GALNT11: variants seen among roughly 807,000 people sequenced by gnomAD.
GALNT11 encodes UDP-GalNAc:polypeptide N-acetylgalactosaminyltransferase 11.
In GALNT11, 47 loss-of-function variants were observed where a neutral mutation model predicts 72.7. The observed-to-expected ratio is 0.65, with a 90% confidence interval of 0.51 to 0.82. The LOEUF is 0.82. GALNT11 is among the 40% of genes least tolerant of loss of function. The pLI is 0.00. For missense variants in GALNT11, 677 were observed against 778.4 expected (o/e 0.87, Z 1.55); for synonymous variants, 270 against 286.6 (o/e 0.94, Z 0.58).
intron 1 of GALNT11, among the ~76,000 whole-genome samples, chr7:152,030,792 C>A (rs1356381154): frequency 2.0e-5 from 3 of 152,038 alleles, no homozygotes; most frequent in Admixed American, 2.0e-4. Context: ...TCTCTCACTT[C>A]CTCTCTCTGT....
rs1401585248 is a variant in GALNT11, at chr7:152,080,518, C to A, written c.-38-13672C>A. ...TTGGTAGTTGCCAAAAGCAGTATAG[C>A]ATTTTGTAGATAGTGTAGAAAGATG... On this transcript the variant is annotated intron_variant, in intron 1 of 11. Coordinates refer to ENST00000430044, the MANE Select transcript of GALNT11 (RefSeq NM_022087.4). Among the ~76,000 whole-genome samples, 7 of 152,250 alleles carry A rather than the reference C, an allele frequency of 4.6e-5. No individual in the cohort carries two copies. In the East Asian group the frequency reaches 1.3e-3, roughly 29 times the overall value.
At chr7:152,029,579 T>G (rs898024268) in intron 1 of GALNT11, among the ~76,000 whole-genome samples, 11 of 152,216 alleles carry the variant, frequency 7.2e-5, no homozygotes, top group African/African-American at 2.7e-4. Flanking sequence ...CCTCGTTCAG[T>G]CCATATTAAC....
intron 2 of GALNT11, among the ~76,000 whole-genome samples, chr7:152,096,873 G>A (rs531178818): frequency 1.6e-4 from 24 of 152,190 alleles, no homozygotes; most frequent in South Asian, 4.2e-4. Context: ...TGTCACCTGC[G>A]GTGGAGGGCA....
chr7:152,028,025 C>G (rs1227186051), intron 1 of GALNT11, among the ~76,000 whole-genome samples: 2 of 152,198 alleles, frequency 1.3e-5, no homozygotes, highest in Non-Finnish European at 2.9e-5. Flanking sequence ...TGTGGTCTCA[C>G]TGACTTCAGG....
chr7:152,047,001 A>C (rs1475205733), intron 1 of GALNT11, among the ~76,000 whole-genome samples: 1 of 152,202 alleles, frequency 6.6e-6, no homozygotes, highest in Non-Finnish European at 1.5e-5. Flanking sequence ...GCTTGAAAAT[A>C]GTATCTTATA....
At chr7:152,077,453 G>A (rs2085054419) in intron 1 of GALNT11, among the ~76,000 whole-genome samples, 1 of 152,146 alleles carries the variant, frequency 6.6e-6, no homozygotes, top group Non-Finnish European at 1.5e-5. Flanking sequence ...CTGGAGTCTA[G>A]AACTTGCTGT....
At chr7:152,075,472 A>T (rs1297585781) in intron 1 of GALNT11, among the ~76,000 whole-genome samples, 2 of 152,220 alleles carry the variant, frequency 1.3e-5, no homozygotes, top group Admixed American at 1.3e-4. Flanking sequence ...ATTTCAAACT[A>T]CCCTGCCTGG....
intron 1 of GALNT11, among the ~76,000 whole-genome samples, chr7:152,054,503 CTTTTTTTTTTTT>C (rs1037895401): frequency 2.4e-4 from 17 of 72,108 alleles, no homozygotes; most frequent in Non-Finnish European, 5.8e-5. Flanking sequence ...TTTTTCTTGT[CTTTTTTTTTTTT>C]TTTTTTTTTT....
chr7:152,036,173 A>G (rs2082568615), intron 1 of GALNT11, among the ~76,000 whole-genome samples: 2 of 152,198 alleles, frequency 1.3e-5, no homozygotes, highest in South Asian at 2.1e-4. Flanking sequence ...CTGTTGTGCT[A>G]TCAAATACTA....
chr7:152,068,296 G>A (rs547298179), intron 1 of GALNT11, among the ~76,000 whole-genome samples: 9 of 152,200 alleles, frequency 5.9e-5, no homozygotes, highest in South Asian at 2.1e-4. Flanking sequence ...TCAAGTTGGC[G>A]TCCTTCATTT....
chr7:152,034,867 G>T (rs891023437), intron 1 of GALNT11, among the ~76,000 whole-genome samples: 1 of 152,070 alleles, frequency 6.6e-6, no homozygotes, highest in Non-Finnish European at 1.5e-5. Context: ...ACCCTTGCCT[G>T]TCCTCCTAGA....
intron 7 of GALNT11, among the ~76,000 whole-genome samples, chr7:152,111,976 G>A (rs1009742770): frequency 6.6e-6 from 1 of 152,106 alleles, no homozygotes; most frequent in African/African-American, 2.4e-5. Flanking sequence ...AATCCACCTC[G>A]CATTATCTGT....
At chr7:152,057,741 A>T (rs1353176921) in intron 1 of GALNT11, among the ~76,000 whole-genome samples, 1 of 150,920 alleles carries the variant, frequency 6.6e-6, no homozygotes, top group Non-Finnish European at 1.5e-5. Context: ...CACATATCCC[A>T]TATCCAATTT....
chr7:152,043,499 GA>G (rs1472514528), intron 1 of GALNT11, among the ~76,000 whole-genome samples: 1 of 152,198 alleles, frequency 6.6e-6, no homozygotes, highest in Non-Finnish European at 1.5e-5. Context: ...AATTTAAAAG[GA>G]AAAGGCTCAA....
intron 2 of GALNT11, among the ~76,000 whole-genome samples, chr7:152,099,566 T>G (rs917649924): frequency 4.2e-5 from 6 of 142,168 alleles, no homozygotes; most frequent in African/African-American, 1.6e-4. Flanking sequence ...TTTTGTATTT[T>G]TAGTAGAGAT....
chr7:152,044,604 G>A (rs748180249), intron 1 of GALNT11, among the ~76,000 whole-genome samples: 2 of 151,958 alleles, frequency 1.3e-5, no homozygotes, highest in African/African-American at 2.4e-5. Context: ...GTTTGCTGTC[G>A]GCCTAGAGAA....
intron 1 of GALNT11, among the ~76,000 whole-genome samples, chr7:152,057,156 C>G (rs1025146914): frequency 6.6e-6 from 1 of 151,702 alleles, no homozygotes; most frequent in African/African-American, 2.4e-5. Flanking sequence ...GCACCTAGCC[C>G]AGATACTTTC....
chr7:152,114,792 G>A (rs750037817), intron 8 of GALNT11, among the ~76,000 whole-genome samples: 1 of 152,300 alleles, frequency 6.6e-6, no homozygotes, highest in African/African-American at 2.4e-5. Context: ...TGTATGCCAG[G>A]CTCTGTGTTA....
intron 9 of GALNT11, 24 bp from the exon 10 acceptor site, chr7:152,118,654 T>C (rs762230908): frequency 1.9e-6 from 3 of 1,602,530 alleles, no homozygotes; most frequent in Non-Finnish European, 1.7e-6. Flanking sequence ...TTTCCCACAT[T>C]CTGAGCTGTG....
Sources: gnomAD v4.1 joint callset for allele counts (sites outside exome capture counted in the v4.1 genomes callset) on GRCh38, gnomAD v4.1.1 for gene constraint, MANE v1.5 for transcripts, NCBI Gene and HGNC (gene_info 2026-07-23, HGNC 2026-07-21) for gene names.